TMEM67: variants seen among roughly 807,000 people sequenced by gnomAD.
TMEM67 encodes meckelin.
TMEM67 carries 124 observed loss-of-function variants against 136.6 expected under a neutral mutation model. The observed-to-expected ratio is 0.91, with a 90% CI of 0.78 to 1.05. TMEM67 has a LOEUF of 1.05. Among genes scored for constraint, TMEM67 ranks in the 50% least tolerant of loss-of-function variants. The probability of loss-of-function intolerance (pLI) is 0.00; values close to 1 mark genes in which losing one functional copy is unlikely to be tolerated. For missense variants in TMEM67, 1,107 were observed against 1,178.4 expected, an observed-to-expected ratio of 0.94 and a Z score of 0.89; for synonymous variants, 364 against 390.5, an observed-to-expected ratio of 0.93 and a Z score of 0.80.
At chr8:93,759,915 C>T in intron 3 of TMEM67, 1 of 1,484,050 alleles carries the variant, frequency 6.7e-7, no homozygotes, top group Non-Finnish European at 9.1e-7. Flanking sequence ...TCCCAAAGTG[C>T]TGGGATACAG....
intron 20 of TMEM67, 25 bp downstream of exon 20, chr8:93,797,495 A>G: frequency 1.2e-6 from 2 of 1,605,476 alleles, no homozygotes; most frequent in East Asian, 2.2e-5. Context: ...ATGTGATTAT[A>G]TGCGACTTAC....
chr8:93,816,465 ATAACT>A lies in TMEM67; in HGVS notation c.*17_*21del, dbSNP rs1808912124. The A allele has an allele frequency of 6.6e-7, 1 of 1,505,806 alleles. No homozygotes were observed. Among genetic ancestry groups the A allele is most frequent in the Admixed American group, 1.7e-5 (1 of 59,438 alleles). The allele number at this position is 1,505,806 out of a possible 1,614,324, so 93.3% of individuals were successfully genotyped here. ...ATTTTTGATTTAACTTCCTGAATAA[ATAACT>A]TAAAGACTCAGTATAATCATGGCCA... On this transcript the variant is annotated 3_prime_UTR_variant, in exon 28 of 28. Coordinates refer to ENST00000453321, the MANE Select transcript of TMEM67 (RefSeq NM_153704.6).
downstream of TMEM67, among the ~76,000 whole-genome samples, chr8:93,821,251 A>G (rs1313805001): frequency 2.0e-5 from 3 of 152,122 alleles, no homozygotes; most frequent in Admixed American, 2.0e-4. Context: ...ATAAAAGGGG[A>G]ATATATTCAT....
At chr8:93,792,463 G>A (rs1814424100) in intron 15 of TMEM67, among the ~76,000 whole-genome samples, 2 of 151,498 alleles carry the variant, frequency 1.3e-5, no homozygotes, top group Admixed American at 6.6e-5. Flanking sequence ...CGTGAGCCAC[G>A]GTGCCCGGCC....
Position 93,809,825 on chromosome 8 carries a change from T to C in TMEM67, c.2702T>C (p.Leu901Pro). 6.2e-7 allele frequency: 1 copy of C among 1,607,968 alleles called. No individual in the cohort carries two copies. Among genetic ancestry groups the C allele is most frequent in the Non-Finnish European group, 8.5e-7 (1 of 1,175,286 alleles). Residue 901 changes from leucine (L) to proline (P), a missense_variant, in exon 26 of 28, where the codon CTT becomes CCT. Coordinates refer to ENST00000453321, the MANE Select transcript of TMEM67 (RefSeq NM_153704.6). Reference sequence around the variant, plus strand: ...GATTACTTTATAAAAGATAAGTTGCTTCTTGAAAGAATTCTTGGAATGGAA... The same window carrying C: ...GATTACTTTATAAAAGATAAGTTGCCTCTTGAAAGAATTCTTGGAATGGAA... ...EMDYFIKDKL[L>P]LERILGMEFM...
chr8:93,815,888 G>A (rs1404908380), intron 27 of TMEM67, among the ~76,000 whole-genome samples: 1 of 152,226 alleles, frequency 6.6e-6, no homozygotes, highest in East Asian at 1.9e-4. Context: ...TCATGTATGA[G>A]TGTGGACCCT....
intron 7 of TMEM67, among the ~76,000 whole-genome samples, chr8:93,775,862 T>C (rs533791857): frequency 2.4e-4 from 36 of 152,216 alleles, no homozygotes; most frequent in Non-Finnish European, 4.6e-4. Context: ...ACAGGAACTT[T>C]ACAGTAGTTT....
At position 93,787,918 on chromosome 8, in the gene TMEM67, A is replaced by G; in HGVS notation, c.1487A>G (p.Asp496Gly). ...ATCACCATTGCCTACAGTGACATTGATATCAAAGATGCCAACAGCCAGTCT... is the reference window on the plus strand; with the variant it reads ...ATCACCATTGCCTACAGTGACATTGGTATCAAAGATGCCAACAGCCAGTCT... ...PLITIAYSDI[D>G]IKDANSQSVK... The change falls in exon 14 of 28, where the codon GAT becomes GGT. Residue 496 changes from aspartate to glycine, a missense_variant. Asp to Gly is a moderately conservative substitution (Grantham distance 94). This residue lies in a region of TMEM67 where 925 missense variants were observed against 1,002.4 expected (regional missense o/e 0.92). Coordinates refer to ENST00000453321, the MANE Select transcript of TMEM67 (RefSeq NM_153704.6). 1 of 1,614,054 alleles carries G rather than the reference A, an allele frequency of 6.2e-7. No homozygotes were observed. Among genetic ancestry groups the G allele is most frequent in the Non-Finnish European group, 8.5e-7 (1 of 1,179,936 alleles).
At chr8:93,778,063 A>G (rs1813637683) in intron 7 of TMEM67, among the ~76,000 whole-genome samples, 1 of 152,144 alleles carries the variant, frequency 6.6e-6, no homozygotes, top group Non-Finnish European at 1.5e-5. Context: ...TATATTTAGG[A>G]TAGTTAGCTC....
intron 6 of TMEM67, among the ~76,000 whole-genome samples, chr8:93,767,388 G>A (rs1180479349): frequency 6.6e-6 from 1 of 152,154 alleles, no homozygotes; most frequent in Non-Finnish European, 1.5e-5. Flanking sequence ...AGTATTTTGT[G>A]AGGAGTATTT....
At chr8:93,798,701 C>G (rs181298388) in intron 20 of TMEM67, among the ~76,000 whole-genome samples, 37 of 152,136 alleles carry the variant, frequency 2.4e-4, no homozygotes, top group African/African-American at 8.4e-4. Context: ...TTCCCCTTTC[C>G]CTTCCTTTCC....
intron 3 of TMEM67, chr8:93,759,867 T>G: frequency 1.1e-6 from 1 of 874,542 alleles, no homozygotes; most frequent in South Asian, 1.6e-5. Flanking sequence ...CAGGCTGGTC[T>G]TGAACTTCCG....
intron 26 of TMEM67, among the ~76,000 whole-genome samples, chr8:93,811,590 G>A (rs903591509): frequency 3.9e-5 from 6 of 152,138 alleles, no homozygotes; most frequent in East Asian, 1.9e-4. Context: ...GATCACGGAG[G>A]TGTGAAAAGA....
At chr8:93,805,664 TC>T (rs957268186) in intron 23 of TMEM67, among the ~76,000 whole-genome samples, 2 of 152,108 alleles carry the variant, frequency 1.3e-5, no homozygotes, top group Non-Finnish European at 2.9e-5. Context: ...TTTAATTTTA[TC>T]CTGTAGTTTC....
At chr8:93,825,613 T>C in the TMEM67 span, among the ~76,000 whole-genome samples, 345 of 152,284 alleles carry the variant, frequency 2.3e-3, 1 homozygote, top group African/African-American at 7.5e-3. Flanking sequence ...CCTTCAAACA[T>C]TGTCCCATGG....
Position 93,760,149 on chromosome 8 carries a change from G to A in TMEM67, c.406+1573G>A, listed in dbSNP as rs11994625. Among the ~76,000 whole-genome samples, 44,190 of 151,988 alleles carry A rather than the reference G, an allele frequency of 0.29. 6,813 individuals are homozygous for A. Among genetic ancestry groups the A allele is most frequent in the East Asian group, 0.51 (2,634 of 5,172 alleles). On this transcript the variant is annotated intron_variant, in intron 3 of 27. Coordinates refer to ENST00000453321, the MANE Select transcript of TMEM67 (RefSeq NM_153704.6). ...AATTCTATCAGGATATTATTTGTTTGTTTTGGGGTAATATACAAATAGAGT... is the reference window on the plus strand; with the variant it reads ...AATTCTATCAGGATATTATTTGTTTATTTTGGGGTAATATACAAATAGAGT...
At chr8:93,800,751 G>C (rs947465308) in intron 21 of TMEM67, among the ~76,000 whole-genome samples, 1 of 152,156 alleles carries the variant, frequency 6.6e-6, no homozygotes, top group Admixed American at 6.5e-5. Context: ...GCCTTTGAGA[G>C]TCCTCAGCTT....
downstream of TMEM67, among the ~76,000 whole-genome samples, chr8:93,820,309 TG>T (rs1809023472): frequency 6.6e-6 from 1 of 152,154 alleles, no homozygotes; most frequent in South Asian, 2.1e-4. Flanking sequence ...ACAGTATGTT[TG>T]GGGGCTTTGG....
chr8:93,808,532 T>G (rs372087319), intron 23 of TMEM67, among the ~76,000 whole-genome samples: 459 of 5,522 alleles, frequency 0.083, no homozygotes, highest in Middle Eastern at 0.25. Context: ...AATCTATATA[T>G]ATCTATAATC....
Sources: gnomAD v4.1 joint callset for allele counts (sites outside exome capture counted in the v4.1 genomes callset) on GRCh38, gnomAD v4.1.1 for gene constraint, gnomAD v4.1.1 regional missense constraint, MANE v1.5 for transcripts, NCBI Gene and HGNC (gene_info 2026-07-23, HGNC 2026-07-21) for gene names.